The following PIK3CB variants were observed in gnomAD, a reference collection of about 807,000 sequenced individuals.
The protein encoded by PIK3CB is phosphatidylinositol 4,5-bisphosphate 3-kinase catalytic subunit beta isoform.
In PIK3CB, 39 loss-of-function variants were observed where a neutral mutation model predicts 136.8. The ratio of observed to expected loss-of-function variants is 0.29; its 90% CI spans 0.22 to 0.37. PIK3CB has a LOEUF of 0.37. Among genes scored for constraint, PIK3CB ranks in the 10% least tolerant of loss-of-function variants. The pLI is 1.00. For synonymous variants in PIK3CB, 428 were observed against 436.6 expected (o/e 0.98, Z 0.25); for missense variants, 868 against 1,275.4 (o/e 0.68, Z 4.87).
intron 4 of PIK3CB, among the ~76,000 whole-genome samples, chr3:138,752,261 G>C (rs1209260873): frequency 6.6e-6 from 1 of 152,106 alleles, no homozygotes; most frequent in Non-Finnish European, 1.5e-5. Context: ...TCAGGAAAAG[G>C]TATTTTTAGC....
At chr3:138,745,623 A>AT (rs1553733619) in intron 4 of PIK3CB, among the ~76,000 whole-genome samples, 1 of 151,716 alleles carries the variant, frequency 6.6e-6, no homozygotes, top group Non-Finnish European at 1.5e-5. Context: ...ATGAAGTGAG[A>AT]CCCCATCTCA....
rs564073698 is a variant in PIK3CB at position 138,724,972 on chromosome 3, G to A, written c.1050+8389C>T. 2.0e-5 allele frequency among the ~76,000 whole-genome samples: 3 copies of A among 151,362 alleles called. 1 individual carries two copies. The highest frequency in any genetic ancestry group is 4.2e-4 in the South Asian group (2 of 4,818). Reference sequence around the variant, plus strand: ...CACAAATATTTATTCAGTGTTCCAGGCACTGAAAGAAGATAAAAAGAGGAA... The same window carrying A: ...CACAAATATTTATTCAGTGTTCCAGACACTGAAAGAAGATAAAAAGAGGAA... On this transcript the variant is annotated intron_variant, in intron 8 of 23. Coordinates refer to ENST00000674063, the MANE Select transcript of PIK3CB (RefSeq NM_006219.3).
At chr3:138,752,520 A>C (rs1406955798) in intron 4 of PIK3CB, among the ~76,000 whole-genome samples, 4 of 152,184 alleles carry the variant, frequency 2.6e-5, no homozygotes. Context: ...GTTAACATTT[A>C]AATTTGTGTA....
chr3:138,741,300 A>G (rs868098557), intron 5 of PIK3CB, among the ~76,000 whole-genome samples: 21 of 152,246 alleles, frequency 1.4e-4, no homozygotes, highest in African/African-American at 4.8e-4. Context: ...GGACTGGCAC[A>G]AAACACTAAA....
chr3:138,822,515 GAC>G (rs1224718581), intron 1 of PIK3CB, among the ~76,000 whole-genome samples: 1 of 151,722 alleles, frequency 6.6e-6, no homozygotes, highest in Admixed American at 6.6e-5. Context: ...CAGCCTGGGC[GAC>G]ACAGTGAGAC....
At chr3:138,768,530 GCCTGGTCCCTAGCCTTCAGACCCTC>G (rs1409970778) in intron 2 of PIK3CB, among the ~76,000 whole-genome samples, 1 of 152,212 alleles carries the variant, frequency 6.6e-6, no homozygotes, top group Non-Finnish European at 1.5e-5. Context: ...GGAACTGGCA[GCCTGGTCCCTAGCCTTCAGACCCTC>G]CCTGGCCTGA....
At chr3:138,801,823 A>G (rs1320116735) in intron 1 of PIK3CB, among the ~76,000 whole-genome samples, 1 of 143,680 alleles carries the variant, frequency 7.0e-6, no homozygotes, top group Admixed American at 7.5e-5. Flanking sequence ...AGATTGGGCC[A>G]CTGCACTCCA....
chr3:138,834,000 A>G (rs1418526852), intron 1 of PIK3CB, among the ~76,000 whole-genome samples: 1 of 152,238 alleles, frequency 6.6e-6, no homozygotes, highest in African/African-American at 2.4e-5. Context: ...CAACTCCAGT[A>G]TCGGTTACTG....
chr3:138,801,976 A>T (rs913564950), intron 1 of PIK3CB, among the ~76,000 whole-genome samples: 1 of 151,590 alleles, frequency 6.6e-6, no homozygotes, highest in Non-Finnish European at 1.5e-5. Context: ...AGCATAGTTC[A>T]AGGCTGCAGT....
chr3:138,793,938 C>G (rs1366761886), intron 2 of PIK3CB, among the ~76,000 whole-genome samples: 1 of 152,048 alleles, frequency 6.6e-6, no homozygotes, highest in Non-Finnish European at 1.5e-5. Flanking sequence ...GACTCAAAGT[C>G]TTGTGAGTTC....
intron 19 of PIK3CB, among the ~76,000 whole-genome samples, chr3:138,680,718 C>T (rs2043754928): frequency 6.6e-6 from 1 of 150,952 alleles, no homozygotes; most frequent in East Asian, 2.0e-4. Context: ...GACAAAGTTT[C>T]GCTCTTGTTG....
rs1468289197 is a variant in PIK3CB, at chr3:138,705,186, CAAACA to C, written c.1531-698_1531-694del. On this transcript the variant is annotated intron_variant, in intron 11 of 23. Transcript: ENST00000674063. The stretch of plus-strand genomic sequence containing the variant: ...AAAAAAAAAAAAACAAAAAACAAAA[CAAACA>C]AAAAAAAAAACTTATATTTGCAAAT... 9.6e-4 allele frequency among the ~76,000 whole-genome samples: 53 copies of C among 55,056 alleles called. 1 individual carries two copies. Among genetic ancestry groups the C allele is most frequent in the African/African-American group, 4.1e-3 (45 of 10,868 alleles). The allele number at this position is 55,056 out of a possible 152,430, so 36.1% of individuals were successfully genotyped here. A position where few individuals can be genotyped will look rare whatever the true frequency, so the allele number is the denominator to read the frequency against.
intron 19 of PIK3CB, among the ~76,000 whole-genome samples, chr3:138,672,910 G>GAAAA (rs748631273): frequency 6.5e-5 from 4 of 61,274 alleles, no homozygotes; most frequent in South Asian, 5.2e-4. Flanking sequence ...AGACTCCGTT[G>GAAAA]AAAAAAAAAA....
intron 12 of PIK3CB, among the ~76,000 whole-genome samples, chr3:138,703,072 CAGAG>C (rs2044288103): frequency 6.6e-6 from 1 of 152,120 alleles, no homozygotes; most frequent in Admixed American, 6.5e-5. Flanking sequence ...GGAAAAAAGA[CAGAG>C]AGAGGAAGAA....
At chr3:138,694,150 T>C (rs1021278607) in intron 14 of PIK3CB, among the ~76,000 whole-genome samples, 1 of 151,312 alleles carries the variant, frequency 6.6e-6, no homozygotes, top group Non-Finnish European at 1.5e-5. Flanking sequence ...GATTTCAGGA[T>C]TCCCACCACC....
At chr3:138,765,745 C>T (rs534188738) in intron 2 of PIK3CB, among the ~76,000 whole-genome samples, 3 of 151,798 alleles carry the variant, frequency 2.0e-5, no homozygotes, top group East Asian at 3.9e-4. Flanking sequence ...TCCCATCTAC[C>T]TGGAAGGCTA....
chr3:138,801,026 C>G (rs778117578), intron 1 of PIK3CB, among the ~76,000 whole-genome samples: 28 of 151,992 alleles, frequency 1.8e-4, no homozygotes, highest in Non-Finnish European at 3.5e-4. Context: ...TTTTAAAAAC[C>G]CCCATGTCCT....
intron 21 of PIK3CB, among the ~76,000 whole-genome samples, chr3:138,661,352 C>A (rs2108405783): frequency 6.6e-6 from 1 of 152,254 alleles, no homozygotes; most frequent in South Asian, 2.1e-4. Context: ...GCCTCTGATT[C>A]CAGAGCTTTT....
chr3:138,706,476 T>G (rs1482887146), intron 11 of PIK3CB, among the ~76,000 whole-genome samples: 2 of 152,232 alleles, frequency 1.3e-5, no homozygotes, highest in Non-Finnish European at 2.9e-5. Context: ...AATCAATTGT[T>G]CTTTGAGTAT....
Sources: gnomAD v4.1 joint callset for allele counts (sites outside exome capture counted in the v4.1 genomes callset) on GRCh38, gnomAD v4.1.1 for gene constraint, MANE v1.5 for transcripts, NCBI Gene and HGNC (gene_info 2026-07-23, HGNC 2026-07-21) for gene names.